Variants in JAZF1 observed in about 807,000 individuals in gnomAD.
JAZF1 encodes the protein juxtaposed with another zinc finger protein 1.
In JAZF1, 8 loss-of-function variants were observed where a neutral mutation model predicts 26.4. The observed-to-expected ratio is 0.30, with a 90% CI of 0.18 to 0.55. The LOEUF (loss-of-function observed/expected upper bound fraction) is 0.55, where lower values mean the gene tolerates loss of function less well. Ranked by LOEUF, JAZF1 falls within the 20% of genes least tolerant of loss-of-function variation. The probability of loss-of-function intolerance (pLI) is 0.94; values close to 1 mark genes in which losing one functional copy is unlikely to be tolerated. For missense variants in JAZF1, 199 were observed against 322.0 expected, an observed-to-expected ratio of 0.62 and a Z score of 2.92; for synonymous variants, 126 against 122.3, an observed-to-expected ratio of 1.03 and a Z score of -0.20.
intron 3 of JAZF1, among the ~76,000 whole-genome samples, chr7:27,850,296 T>G (rs1783119074): frequency 1.3e-5 from 2 of 152,190 alleles, no homozygotes. Context: ...AAAGACACAT[T>G]AATGGCTCTG....
In JAZF1 at chr7:28,068,456, G is replaced by A. The variant is rs373313381; in HGVS notation, c.116-76475C>T. ...AATTATACCATTCACCTAATTAACA[G>A]AATCTTTCCTAAACTGTGCAAAGGC... On this transcript the variant is annotated intron_variant, in intron 1 of 4. Coordinates refer to ENST00000283928, the MANE Select transcript of JAZF1 (RefSeq NM_175061.4). Among the ~76,000 whole-genome samples the A allele has an allele frequency of 2.6e-5, 4 of 151,988 alleles. No individual in the cohort carries two copies. The East Asian group carries it at 7.7e-4, about 29-fold the overall frequency.
At chr7:27,923,166 T>C (rs1468992288) in intron 2 of JAZF1, among the ~76,000 whole-genome samples, 4 of 152,170 alleles carry the variant, frequency 2.6e-5, no homozygotes, top group Non-Finnish European at 5.9e-5. Context: ...GACTGCTGCT[T>C]TTCCCAAGGA....
chr7:28,055,925 T>G (rs776631282), intron 1 of JAZF1, among the ~76,000 whole-genome samples: 1 of 152,208 alleles, frequency 6.6e-6, no homozygotes, highest in African/African-American at 2.4e-5. Flanking sequence ...CAGCTCAGGA[T>G]AGTCAGGATT....
intron 2 of JAZF1, among the ~76,000 whole-genome samples, chr7:27,906,562 T>C (rs996628383): frequency 3.3e-5 from 5 of 152,238 alleles, no homozygotes; most frequent in African/African-American, 7.2e-5. Flanking sequence ...GCTCAGGCTC[T>C]GGCAATCACT....
chr7:27,841,389 CT>C (rs1782919027), intron 3 of JAZF1: 1 of 152,416 alleles, frequency 6.6e-6, no homozygotes, highest in Admixed American at 6.5e-5. Context: ...AGGTCTTTTT[CT>C]TTATAGATTT....
intron 2 of JAZF1, among the ~76,000 whole-genome samples, chr7:27,959,352 T>G (rs1337231081): frequency 6.6e-6 from 1 of 152,228 alleles, no homozygotes; most frequent in Non-Finnish European, 1.5e-5. Flanking sequence ...TCCATCTCAC[T>G]TTTTCCTCCA....
chr7:27,957,778 A>G (rs1785123965), intron 2 of JAZF1, among the ~76,000 whole-genome samples: 1 of 152,260 alleles, frequency 6.6e-6, no homozygotes, highest in Admixed American at 6.5e-5. Context: ...CTAGACTATG[A>G]CAAATCATAA....
chr7:27,919,157 T>C, intron 2 of JAZF1, among the ~76,000 whole-genome samples: 1 of 152,228 alleles, frequency 6.6e-6, no homozygotes, highest in East Asian at 1.9e-4. Flanking sequence ...TAGACTATCT[T>C]GTTAGCATGA....
At chr7:27,936,778 T>G (rs981526155) in intron 2 of JAZF1, among the ~76,000 whole-genome samples, 2 of 152,242 alleles carry the variant, frequency 1.3e-5, no homozygotes, top group Non-Finnish European at 1.5e-5. Flanking sequence ...GGCCAGACTT[T>G]CTATTTACAT....
intron 3 of JAZF1, among the ~76,000 whole-genome samples, chr7:27,890,689 T>C (rs1368036478): frequency 6.6e-6 from 1 of 151,986 alleles, no homozygotes; most frequent in Non-Finnish European, 1.5e-5. Context: ...TTAAATACAA[T>C]GTCATACATA....
rs751345377 is a variant in JAZF1 at position 27,991,998 on chromosome 7, A to G, written c.116-17T>C. On this transcript the variant is annotated splice_polypyrimidine_tract_variant and intron_variant, in intron 1 of 4. Coordinates refer to ENST00000283928, the MANE Select transcript of JAZF1 (RefSeq NM_175061.4). The stretch of plus-strand genomic sequence containing the variant: ...GATCTGTATCTGTAATAAAAACACA[A>G]TTACGATTTTTTTTAGATTTTGCAT... The G allele has an allele frequency of 6.6e-7, 1 of 1,511,128 alleles. No individual in the cohort carries two copies. Among genetic ancestry groups the G allele is most frequent in the Non-Finnish European group, 9.2e-7 (1 of 1,086,932 alleles). 93.6% of individuals were successfully genotyped at this position (1,511,128 alleles called of 1,614,324 possible).
intron 1 of JAZF1, among the ~76,000 whole-genome samples, chr7:28,108,013 C>A (rs1156640227): frequency 6.6e-6 from 1 of 152,166 alleles, no homozygotes; most frequent in Admixed American, 6.5e-5. Context: ...GCTCCCAGGT[C>A]CCAGAGGCCC....
At chr7:27,970,504 A>G (rs1372640699) in intron 2 of JAZF1, among the ~76,000 whole-genome samples, 4 of 152,248 alleles carry the variant, frequency 2.6e-5, no homozygotes, top group Non-Finnish European at 5.9e-5. Flanking sequence ...AGTAGCCTGT[A>G]ACCGAAATGT....
chr7:27,985,784 CA>C (rs1206484057), intron 2 of JAZF1, among the ~76,000 whole-genome samples: 1 of 152,194 alleles, frequency 6.6e-6, no homozygotes, highest in Non-Finnish European at 1.5e-5. Context: ...CCCTGGGATG[CA>C]AGGCTGGTTC....
chr7:28,036,780 T>TG (rs916588653), intron 1 of JAZF1, among the ~76,000 whole-genome samples: 4 of 152,192 alleles, frequency 2.6e-5, no homozygotes, highest in African/African-American at 9.6e-5. Flanking sequence ...TATGGGATGT[T>TG]GGGGGTGAGG....
At chr7:28,068,015 G>A (rs969028745) in intron 1 of JAZF1, among the ~76,000 whole-genome samples, 1 of 152,174 alleles carries the variant, frequency 6.6e-6, no homozygotes, top group African/African-American at 2.4e-5. Flanking sequence ...CCGGGTTCAA[G>A]TGATTTTCCT....
At chr7:28,006,569 A>G (rs1041700021) in intron 1 of JAZF1, among the ~76,000 whole-genome samples, 4 of 152,214 alleles carry the variant, frequency 2.6e-5, no homozygotes, top group Admixed American at 6.5e-5. Flanking sequence ...ATGGGTCAAT[A>G]CAAAATGAAT....
intron 1 of JAZF1, among the ~76,000 whole-genome samples, chr7:28,151,108 TATA>T (rs200550688): frequency 0.079 from 6,041 of 76,888 alleles, 307 homozygotes; most frequent in East Asian, 0.25. Flanking sequence ...TATATATATA[TATA>T]TTTTTTTTTT....
chr7:27,945,635 G>C (rs1784915195), intron 2 of JAZF1, among the ~76,000 whole-genome samples: 1 of 152,200 alleles, frequency 6.6e-6, no homozygotes, highest in Non-Finnish European at 1.5e-5. Flanking sequence ...GGAGTTCTCA[G>C]AACCAGCTGC....
Sources: allele counts gnomAD v4.1 joint callset (sites outside exome capture counted in the v4.1 genomes callset), GRCh38; gene constraint gnomAD v4.1.1; transcripts MANE v1.5; gene names NCBI Gene and HGNC (gene_info 2026-07-23, HGNC 2026-07-21).